The following NNMT variants were observed in gnomAD, a reference collection of about 807,000 sequenced individuals.
The protein encoded by NNMT is nicotinamide N-methyltransferase.
Under a neutral mutation model 11.7 loss-of-function variants are expected in NNMT, and 10 were observed. The ratio of observed to expected loss-of-function variants is 0.85; its 90% CI spans 0.53 to 1.45. The LOEUF (loss-of-function observed/expected upper bound fraction) is 1.45. NNMT is among the 40% of genes most tolerant of loss of function. The probability of loss-of-function intolerance (pLI) is 0.00; values close to 1 mark genes in which losing one functional copy is unlikely to be tolerated. For missense variants in NNMT, 381 were observed against 319.4 expected (o/e 1.19, Z -1.47); for synonymous variants, 143 against 133.8 (o/e 1.07, Z -0.48).
At chr11:114,273,120 T>A (rs1945184264) in intron 2 of NNMT, among the ~76,000 whole-genome samples, 1 of 152,230 alleles carries the variant, frequency 6.6e-6, no homozygotes, top group Non-Finnish European at 1.5e-5. Flanking sequence ...AAATTGTTCA[T>A]AATTTGTGTA....
At chr11:114,271,817 A>G (rs1945172337) in intron 2 of NNMT, among the ~76,000 whole-genome samples, 1 of 152,176 alleles carries the variant, frequency 6.6e-6, no homozygotes, top group Non-Finnish European at 1.5e-5. Flanking sequence ...GGTTCACAGG[A>G]GATTTTGTTT....
intron 2 of NNMT, among the ~76,000 whole-genome samples, chr11:114,284,567 A>C (rs1018629732): frequency 1.3e-5 from 2 of 151,286 alleles, no homozygotes; most frequent in African/African-American, 2.4e-5. Context: ...GGGTTCAAGC[A>C]ATTCTCCTGC....
chr11:114,278,253 A>T (rs924596011), intron 2 of NNMT, among the ~76,000 whole-genome samples: 18 of 152,134 alleles, frequency 1.2e-4, no homozygotes, highest in African/African-American at 3.9e-4. Flanking sequence ...AGAGGAGGAG[A>T]TGCCAGGCTT....
At chr11:114,260,532 T>C (rs1197498165) in intron 1 of NNMT, among the ~76,000 whole-genome samples, 1 of 152,192 alleles carries the variant, frequency 6.6e-6, no homozygotes, top group African/African-American at 2.4e-5. Flanking sequence ...CATCCAGGGA[T>C]GTCTGGGGAG....
At chr11:114,261,132 GC>G (rs1945077217) in intron 1 of NNMT, among the ~76,000 whole-genome samples, 1 of 152,296 alleles carries the variant, frequency 6.6e-6, no homozygotes, top group Non-Finnish European at 1.5e-5. Context: ...CAGAACAGGA[GC>G]CCACGGAGCC....
chr11:114,303,700 T>A (rs1395568150), intron 2 of NNMT, among the ~76,000 whole-genome samples: 2 of 152,152 alleles, frequency 1.3e-5, no homozygotes, highest in Non-Finnish European at 2.9e-5. Context: ...TTCTGACATG[T>A]AGTAAGAAGT....
Position 114,297,570 on chromosome 11 carries a change from C to T in NNMT, c.155-381C>T, listed in dbSNP as rs571704398. ...ATGTGATCACAGCTCATCATAGTCT[C>T]GAACTCCTGGACTCAAGGGATCCTT... On this transcript the variant is annotated intron_variant, in intron 1 of 2. Transcript: ENST00000299964. Among the ~76,000 whole-genome samples the T allele has an allele frequency of 5.2e-4, 77 of 149,214 alleles. No individual in the cohort carries two copies. The South Asian group carries it at 0.016, about 30-fold the overall frequency.
intron 2 of NNMT, among the ~76,000 whole-genome samples, chr11:114,276,857 C>T (rs1945217108): frequency 6.6e-6 from 1 of 152,212 alleles, no homozygotes; most frequent in African/African-American, 2.4e-5. Flanking sequence ...TCCTCTTTGG[C>T]TCTCTGACTT....
At position 114,280,035 on chromosome 11, in the gene NNMT, G is replaced by A. The variant is rs76478146; in HGVS notation, c.-129-16393G>A. 5.1e-3 allele frequency among the ~76,000 whole-genome samples: 777 copies of A among 152,242 alleles called. 9 individuals carry two copies. The highest frequency in any genetic ancestry group is 0.018 in the African/African-American group (755 of 41,540). On this transcript the variant is annotated intron_variant, in intron 2 of 4. Transcript: ENST00000535401. The stretch of plus-strand genomic sequence containing the variant: ...GTGGGGTCACGGAAGGATGCTGAGC[G>A]TGTTTGGGAAACCTCGATCAGGAAA...
chr11:114,311,452 T>C (rs1945548439), intron 2 of NNMT, among the ~76,000 whole-genome samples: 1 of 152,218 alleles, frequency 6.6e-6, no homozygotes, highest in African/African-American at 2.4e-5. Context: ...GCAATATTTG[T>C]TGGAATCTGA....
At chr11:114,299,865 T>G (rs908572508) in intron 2 of NNMT, among the ~76,000 whole-genome samples, 2 of 151,950 alleles carry the variant, frequency 1.3e-5, no homozygotes, top group African/African-American at 4.8e-5. Flanking sequence ...CTCTCCTCTT[T>G]CATTCTTGAT....
Position 114,304,955 on chromosome 11 carries a change from A to G in NNMT, c.362+6797A>G, listed in dbSNP as rs146293591. ...CAAGCTTATACAATGAACAGAGGAA[A>G]ATGAGCTCTTTCCTTAAGAAATTGT... is the stretch of plus-strand genomic sequence containing the variant. On this transcript the variant is annotated intron_variant, in intron 2 of 2. Transcript: ENST00000299964. Among the ~76,000 whole-genome samples, 355 of 152,398 alleles carry G rather than the reference A, an allele frequency of 2.3e-3. 3 individuals are homozygous for G. The highest frequency in any genetic ancestry group is 7.8e-3 in the African/African-American group (324 of 41,600).
At chr11:114,308,496 C>A (rs538835748) in intron 2 of NNMT, among the ~76,000 whole-genome samples, 1 of 152,302 alleles carries the variant, frequency 6.6e-6, no homozygotes, top group Non-Finnish European at 1.5e-5. Context: ...CGGGGCCCTC[C>A]TCTTCATCCT....
chr11:114,282,514 T>C (rs939454238), intron 2 of NNMT, among the ~76,000 whole-genome samples: 5 of 152,156 alleles, frequency 3.3e-5, no homozygotes, highest in African/African-American at 1.2e-4. Context: ...TGACAGAGAT[T>C]GTCTAACTCC....
chr11:114,287,486 A>T (rs570513230), intron 2 of NNMT, among the ~76,000 whole-genome samples: 1 of 152,176 alleles, frequency 6.6e-6, no homozygotes, highest in South Asian at 2.1e-4. Flanking sequence ...AGCACTATTT[A>T]TTGAAAGGTC....
At chr11:114,284,764 C>CTTTTTT (rs11415162) in intron 2 of NNMT, among the ~76,000 whole-genome samples, 3 of 90,354 alleles carry the variant, frequency 3.3e-5, no homozygotes, top group Non-Finnish European at 6.0e-5. Context: ...ACCCGGCCAT[C>CTTTTTT]TTTTTTTTTT....
At chr11:114,297,319 G>A (rs1026419951) in intron 1 of NNMT, 1 of 143,990 alleles carries the variant, frequency 6.9e-6, no homozygotes, top group African/African-American at 2.5e-5. Flanking sequence ...AAAATGAAAA[G>A]TTTTTTTTTT....
chr11:114,278,561 G>A (rs1945233090), intron 2 of NNMT, among the ~76,000 whole-genome samples: 1 of 152,126 alleles, frequency 6.6e-6, no homozygotes, highest in African/African-American at 2.4e-5. Flanking sequence ...CAAGCAGGCA[G>A]AGAGTACCAG....
chr11:114,260,857 A>G (rs1945073960), intron 1 of NNMT, among the ~76,000 whole-genome samples: 1 of 152,188 alleles, frequency 6.6e-6, no homozygotes, highest in Non-Finnish European at 1.5e-5. Flanking sequence ...GATTCAGTCG[A>G]GGGGACCTGG....
Sources: allele counts gnomAD v4.1 joint callset (sites outside exome capture counted in the v4.1 genomes callset), GRCh38; gene constraint gnomAD v4.1.1; transcripts MANE v1.5; gene names NCBI Gene and HGNC (gene_info 2026-07-23, HGNC 2026-07-21).